Variants in LTBP4 observed in about 807,000 individuals in gnomAD.
LTBP4 encodes latent-transforming growth factor beta-binding protein 4.
Under a neutral mutation model 180.2 loss-of-function variants are expected in LTBP4, and 93 were observed. The observed-to-expected ratio is 0.52, with a 90% CI of 0.44 to 0.61. The LOEUF (loss-of-function observed/expected upper bound fraction) is 0.61. LTBP4 is among the 20% of genes least tolerant of loss of function. The pLI is 0.00. For synonymous variants in LTBP4, 947 were observed against 934.5 expected, an observed-to-expected ratio of 1.01 and a Z score of -0.24; for missense variants, 2,116 against 2,256.5, an observed-to-expected ratio of 0.94 and a Z score of 1.26.
Position 40,608,608 on chromosome 19 carries a change from G to A in LTBP4, c.1426+5G>A. ...GTCCTGAGATTCCTGAATCAGGTTT[G>A]CTAGAAAGAACTGAGGGCATTGGGC... On this transcript the variant is annotated splice_donor_5th_base_variant and intron_variant, in intron 9 of 29. Coordinates refer to ENST00000396819, the MANE Select transcript of LTBP4 (RefSeq NM_001042545.2). 1 of 1,580,902 alleles carries A rather than the reference G, an allele frequency of 6.3e-7. No individual in the cohort carries two copies. Among genetic ancestry groups the A allele is most frequent in the African/African-American group, 1.3e-5 (1 of 74,386 alleles).
In LTBP4 at chr19:40,611,777, CTG is replaced by C; in HGVS notation, c.2054-81_2054-80del. ...GCAAGTCCAGAAGGCAGGCTCAAGA[CTG>C]GAATGCTGGGGTGGGTGGTGATGGC... is the stretch of plus-strand genomic sequence containing the variant. On this transcript the variant is annotated intron_variant, in intron 13 of 29. Coordinates refer to ENST00000396819, the MANE Select transcript of LTBP4 (RefSeq NM_001042545.2). The surrounding 1 kb of genome is among the most constrained non-coding windows in gnomAD (Gnocchi z 4.4). 6.6e-7 allele frequency: 1 copy of C among 1,521,390 alleles called. No homozygotes were observed. 94.2% of individuals were successfully genotyped at this position (1,521,390 alleles called of 1,614,324 possible). A position where few individuals can be genotyped will look rare whatever the true frequency, so the allele number is the denominator to read the frequency against.
chr19:40,605,570 T>C lies in LTBP4; in HGVS notation c.608T>C (p.Leu203Ser), dbSNP rs2081454038. The C allele has an allele frequency of 6.2e-7, 1 of 1,605,376 alleles. No homozygotes were observed. The highest frequency in any genetic ancestry group is 1.3e-5 in the African/African-American group (1 of 74,804). Residue 203 changes from leucine to serine, a missense_variant, in exon 3 of 30, where the codon TTG becomes TCG. By Grantham distance (145) the Leu-to-Ser change is moderately radical (BLOSUM62 -2). This residue lies in a region of LTBP4 where 469 missense variants were observed against 532.5 expected (regional missense o/e 0.88). Coordinates refer to ENST00000396819, the MANE Select transcript of LTBP4 (RefSeq NM_001042545.2). The surrounding 1 kb of genome is among the most constrained non-coding windows in gnomAD (Gnocchi z 5.5). The part of the protein sequence containing the change: ...RAEAAAPYTV[L>S]AQSAPREDGY... ...GAGGCGGCAGCGCCCTACACGGTGT[T>C]GGCACAGAGCGCGCCGCGGGAGGAC...
chr19:40,611,166 A>G lies in LTBP4; in HGVS notation c.1825A>G (p.Thr609Ala), dbSNP rs201279198. The change falls in exon 13 of 30, where the codon ACC (threonine) becomes GCC (alanine). Residue 609 changes from threonine (T) to alanine (A), a missense_variant. This residue lies in a region of LTBP4 where 877 missense variants were observed against 873.6 expected (regional missense o/e 1.00). Coordinates refer to ENST00000396819, the MANE Select transcript of LTBP4 (RefSeq NM_001042545.2). This position sits in a 1 kb window ranked among gnomAD's most constrained non-coding sequence, Gnocchi z 4.4. Reference protein sequence around the residue: ...GASCQDVDECTQSPGLCGRGA... With the variant: ...GASCQDVDECAQSPGLCGRGA... ...GCCCTGTGCAGATGTGGATGAATGC[A>G]CCCAGAGCCCAGGCCTGTGTGGCCG... The G allele has an allele frequency of 5.4e-4, 875 of 1,613,138 alleles. 3 individuals are homozygous for G. Among genetic ancestry groups the G allele is most frequent in the Non-Finnish European group, 6.4e-4 (754 of 1,179,672 alleles).
At chr19:40,627,435 G>A (rs1361477011) in intron 28 of LTBP4, 80 bp downstream of exon 28, 29 of 1,432,028 alleles carry the variant, frequency 2.0e-5, no homozygotes, top group Non-Finnish European at 2.4e-5. Context: ...AACAGAAGGC[G>A]GGAGGAGAGA....
chr19:40,619,850 TCAA>T (rs1309770526), intron 22 of LTBP4, among the ~76,000 whole-genome samples: 1 of 152,110 alleles, frequency 6.6e-6, no homozygotes, highest in Admixed American at 6.5e-5. Context: ...CCCAGAGAAA[TCAA>T]CAAGACTGTG....
intron 8 of LTBP4, 32 bp from the exon 9 acceptor site, chr19:40,608,452 G>C (rs766159928): frequency 1.3e-6 from 2 of 1,592,102 alleles, no homozygotes; most frequent in Non-Finnish European, 1.7e-6. Flanking sequence ...AGAGGATTTG[G>C]GCTCCACTCG....
Position 40,609,932 on chromosome 19 carries a change from C to G in LTBP4, c.1684+61C>G. The stretch of plus-strand genomic sequence containing the variant: ...CCAGGGTCTCGCTCCTGCTCTCACT[C>G]CAGAGCCTCTCCAGCCCTCCCACGC... On this transcript the variant is annotated intron_variant, in intron 11 of 29. Coordinates refer to ENST00000396819, the MANE Select transcript of LTBP4 (RefSeq NM_001042545.2). This position sits in a 1 kb window ranked among gnomAD's most constrained non-coding sequence, Gnocchi z 4.9. 6.8e-7 allele frequency: 1 copy of G among 1,463,134 alleles called. No homozygotes were observed. Among genetic ancestry groups the G allele is most frequent in the South Asian group, 1.4e-5 (1 of 72,446 alleles). The allele number at this position is 1,463,134 out of a possible 1,614,324, so 90.6% of individuals were successfully genotyped here.
At chr19:40,626,158 T>C (rs1453087730) in intron 27 of LTBP4, 149 bp downstream of exon 27, 4 of 871,522 alleles carry the variant, frequency 4.6e-6, no homozygotes, top group Non-Finnish European at 6.6e-6. Flanking sequence ...CCCAAAATCT[T>C]GGTCCCCGAT....
chr19:40,605,850 C>A lies in LTBP4; in HGVS notation c.793+19C>A. ...CGCCTGGGTAAGCCCCAGGACGTCCCCGAAGTGCTCGGAGCTGGGGAGTGG... is the reference window on the plus strand; with the variant it reads ...CGCCTGGGTAAGCCCCAGGACGTCCACGAAGTGCTCGGAGCTGGGGAGTGG... On this transcript the variant is annotated intron_variant, in intron 4 of 29. Transcript: ENST00000396819. This position sits in a 1 kb window ranked among gnomAD's most constrained non-coding sequence, Gnocchi z 5.5. 6.5e-7 allele frequency: 1 copy of A among 1,534,894 alleles called. No homozygotes were observed. Among genetic ancestry groups the A allele is most frequent in the Non-Finnish European group, 8.7e-7 (1 of 1,145,874 alleles).
Position 40,623,740 on chromosome 19 carries a change from C to A in LTBP4, c.3685+8C>A. 1 of 1,613,618 alleles carries A rather than the reference C, an allele frequency of 6.2e-7. No individual in the cohort carries two copies. The highest frequency in any genetic ancestry group is 8.5e-7 in the Non-Finnish European group (1 of 1,179,634). On this transcript the variant is annotated splice_region_variant and intron_variant, in intron 25 of 29. Coordinates refer to ENST00000396819, the MANE Select transcript of LTBP4 (RefSeq NM_001042545.2). ...AGCGGCTGGAGTGCATCGGTACAAG[C>A]CCCACCTCCCCCAACCCCCGGCAAC...
chr19:40,625,733 C>T (rs2081628953), intron 26 of LTBP4, 124 bp from the exon 27 acceptor site: 2 of 831,352 alleles, frequency 2.4e-6, no homozygotes, highest in Admixed American at 6.6e-5. Flanking sequence ...AGTTAGATCA[C>T]AGCTGATGAG....
At chr19:40,612,947 T>C (rs1599867806) in intron 15 of LTBP4, 118 bp from the exon 16 acceptor site, 1 of 996,618 alleles carries the variant, frequency 1.0e-6, no homozygotes, top group South Asian at 1.6e-5. Context: ...CATAGAGCCC[T>C]CCCCCAGCCT....
upstream of LTBP4, chr19:40,599,663 T>G: frequency 9.6e-7 from 1 of 1,039,226 alleles, no homozygotes; most frequent in Non-Finnish European, 1.4e-6. Context: ...CCCCCCTCCC[T>G]CCCCGGCTCT....
At position 40,625,957 on chromosome 19, in the gene LTBP4, GTA is replaced by G; in HGVS notation, c.3935_3936del (p.Tyr1312TrpfsTer18). ...CCACCTACACAGAGTGCTGCTGCCT[GTA>G]TGGAGAGGCCTGGGGCATGGACTGC... ...QATYTECCCL[Y>X]GEAWGMDCAL... On this transcript the variant is annotated frameshift_variant, in exon 27 of 30. Coordinates refer to ENST00000396819, the MANE Select transcript of LTBP4 (RefSeq NM_001042545.2). LOFTEE classifies it high-confidence loss of function. 1 of 1,608,532 alleles carries G rather than the reference GTA, an allele frequency of 6.2e-7. No individual in the cohort carries two copies. Among genetic ancestry groups the G allele is most frequent in the Non-Finnish European group, 8.5e-7 (1 of 1,177,812 alleles).
intron 21 of LTBP4, among the ~76,000 whole-genome samples, chr19:40,618,870 A>G (rs997438967): frequency 3.3e-5 from 5 of 152,150 alleles, no homozygotes; most frequent in African/African-American, 7.2e-5. Context: ...GGCTATTTCT[A>G]TCTTCTCTGA....
In LTBP4 at chr19:40,629,292, A is replaced by G; in HGVS notation, c.4520-104A>G. The G allele has an allele frequency of 6.7e-7, 1 of 1,497,222 alleles. No individual in the cohort carries two copies. The highest frequency in any genetic ancestry group is 1.4e-5 in the African/African-American group (1 of 71,962). The allele number at this position is 1,497,222 out of a possible 1,614,324, so 92.7% of individuals were successfully genotyped here. A position where few individuals can be genotyped will look rare whatever the true frequency, so the allele number is the denominator to read the frequency against. ...TGGCAGAGGCCAGATTGGACTCCAA[A>G]CTGCTCAGCATCTGTGCTCCTCTGT... On this transcript the variant is annotated intron_variant, in intron 29 of 29. Coordinates refer to ENST00000396819, the MANE Select transcript of LTBP4 (RefSeq NM_001042545.2). The surrounding 1 kb of genome is among the most constrained non-coding windows in gnomAD (Gnocchi z 4.5).
chr19:40,619,372 G>A lies in LTBP4; in HGVS notation c.3096G>A (p.Gln1032=). 1 of 1,613,948 alleles carries A rather than the reference G, an allele frequency of 6.2e-7. No homozygotes were observed. Among genetic ancestry groups the A allele is most frequent in the Non-Finnish European group, 8.5e-7 (1 of 1,179,860 alleles). Residue 1032 remains glutamine, a synonymous_variant, in exon 22 of 30, where the codon CAG becomes CAA. Coordinates refer to ENST00000396819, the MANE Select transcript of LTBP4 (RefSeq NM_001042545.2). The part of the protein sequence containing the change: ...CVDVNECETL[Q]GVCGAALCEN... ...ATGTGAACGAGTGTGAAACACTACA[G>A]GGTGTATGTGGAGCTGCCCTGTGTG...
intron 28 of LTBP4, 87 bp from the exon 29 acceptor site, chr19:40,627,618 A>G: frequency 3.3e-6 from 5 of 1,502,234 alleles, no homozygotes; most frequent in Non-Finnish European, 4.5e-6. Flanking sequence ...ACAGCGAGAA[A>G]GATGGAGCCA....
At chr19:40,610,476 G>A (rs2081497452) in intron 11 of LTBP4, 56 bp from the exon 12 acceptor site, 4 of 1,543,120 alleles carry the variant, frequency 2.6e-6, no homozygotes, top group Admixed American at 3.7e-5. Flanking sequence ...GCCTCCTTGC[G>A]TCGCTTCTCC....
Sources: allele counts gnomAD v4.1 joint callset (sites outside exome capture counted in the v4.1 genomes callset), GRCh38; gene constraint gnomAD v4.1.1; regional missense constraint gnomAD v4.1.1; non-coding constraint Gnocchi (gnomAD v3.1); transcripts MANE v1.5; gene names NCBI Gene and HGNC (gene_info 2026-07-23, HGNC 2026-07-21).